ADAMTS13: variants seen among roughly 807,000 people sequenced by gnomAD.
ADAMTS13 encodes ADAM metallopeptidase with thrombospondin type 1 motif 13.
Under a neutral mutation model 155.1 loss-of-function variants are expected in ADAMTS13, and 110 were observed. The observed-to-expected ratio is 0.71, with a 90% confidence interval of 0.61 to 0.83. ADAMTS13 has a LOEUF of 0.83. ADAMTS13 is among the 40% of genes least tolerant of loss of function. The pLI, the probability that ADAMTS13 is intolerant of heterozygous loss-of-function variation, is 0.00. For missense variants in ADAMTS13, 1,707 were observed against 1,891.7 expected (o/e 0.90, Z 1.81); for synonymous variants, 758 against 756.4 (o/e 1.00, Z -0.03).
intron 28 of ADAMTS13, among the ~76,000 whole-genome samples, chr9:133,458,743 C>T (rs1554796946): frequency 6.6e-6 from 1 of 152,110 alleles, no homozygotes; most frequent in Non-Finnish European, 1.5e-5. Context: ...GTATCAGCTT[C>T]CCCAGAGGAG....
intron 9 of ADAMTS13, among the ~76,000 whole-genome samples, 179 bp from the exon 10 acceptor site, chr9:133,433,199 C>A (rs1554787985): frequency 6.9e-6 from 1 of 144,832 alleles, no homozygotes; most frequent in African/African-American, 2.6e-5. Flanking sequence ...TGTTGGAGAT[C>A]CCTGTGTGTT....
At position 133,424,385 on chromosome 9, in the gene ADAMTS13, C is replaced by G. The variant is rs281875297; in HGVS notation, c.237C>G (p.Ile79Met). Residue 79 changes from isoleucine to methionine, a missense_variant, in exon 3 of 29, where the codon ATC becomes ATG. Ile to Met is a conservative substitution (Grantham distance 10). Coordinates refer to ENST00000355699, the MANE Select transcript of ADAMTS13 (RefSeq NM_139027.6). The surrounding 1 kb of genome is among the most constrained non-coding windows in gnomAD (Gnocchi z 4.3). Reference sequence around the variant, plus strand: ...GGCAGAGGCGGGCTGCAGGCGGCATCCTACACCTGGAGCTGCTGGTGGCCG... The same window carrying G: ...GGCAGAGGCGGGCTGCAGGCGGCATGCTACACCTGGAGCTGCTGGTGGCCG... ...RQRQRRAAGGILHLELLVAVG... is the reference protein window; with the variant it reads ...RQRQRRAAGGMLHLELLVAVG... 6.2e-7 allele frequency: 1 copy of G among 1,613,634 alleles called. No homozygotes were observed. Among genetic ancestry groups the G allele is most frequent in the Non-Finnish European group, 8.5e-7 (1 of 1,179,992 alleles).
In ADAMTS13 at chr9:133,429,973, CG is replaced by C; in HGVS notation, c.861del (p.Pro288LeufsTer90). On this transcript the variant is annotated frameshift_variant, in exon 8 of 29. Coordinates refer to ENST00000355699, the MANE Select transcript of ADAMTS13 (RefSeq NM_139027.6). LOFTEE classifies it high-confidence loss of function. ...GRARCVWDPP[R>X]PQPGSAGHPP... ...GGCGCGCTGCGTGTGGGACCCGCCG[CG>C]GCCTCAACCCGGGTCCGCGGGGCAC... is the stretch of plus-strand genomic sequence containing the variant. The C allele has an allele frequency of 6.5e-7, 1 of 1,544,686 alleles. No individual in the cohort carries two copies. The highest frequency in any genetic ancestry group is 8.7e-7 in the Non-Finnish European group (1 of 1,149,734).
At chr9:133,415,401 A>G (rs1482258079) in intron 1 of ADAMTS13, among the ~76,000 whole-genome samples, 1 of 149,570 alleles carries the variant, frequency 6.7e-6, no homozygotes, top group African/African-American at 2.4e-5. Context: ...ATCCTGCTAC[A>G]CAGAAATCGC....
At chr9:133,417,788 C>G, upstream of ADAMTS13, 1 of 1,609,982 alleles carries the variant, frequency 6.2e-7, no homozygotes, top group South Asian at 1.1e-5. Flanking sequence ...CAGGACCCGG[C>G]TTAGCCACGG....
At position 133,436,956 on chromosome 9, in the gene ADAMTS13, G is replaced by A; in HGVS notation, c.1435+1G>A. 1 of 1,597,492 alleles carries A rather than the reference G, an allele frequency of 6.3e-7. No homozygotes were observed. Among genetic ancestry groups the A allele is most frequent in the Non-Finnish European group, 8.5e-7 (1 of 1,173,708 alleles). Reference sequence around the variant, plus strand: ...GGTGCTGCTGTACCACACAGCCAAGGTGGGGCCTGCGGAGTGTGGGGTTGG... The same window carrying A: ...GGTGCTGCTGTACCACACAGCCAAGATGGGGCCTGCGGAGTGTGGGGTTGG... On this transcript the variant is annotated splice_donor_variant, in intron 12 of 28. Coordinates refer to ENST00000355699, the MANE Select transcript of ADAMTS13 (RefSeq NM_139027.6). LOFTEE classifies it high-confidence loss of function.
In ADAMTS13 at chr9:133,456,348, G is replaced by A; in HGVS notation, c.3547+133G>A. ...GTAGTTTGCATCCCATCTCATGACT[G>A]GGGAGTGATGATCTGCATTTTACAG... On this transcript the variant is annotated intron_variant, in intron 26 of 28. Transcript: ENST00000355699. The surrounding 1 kb of genome is among the most constrained non-coding windows in gnomAD (Gnocchi z 4.4). 1.4e-6 allele frequency: 2 copies of A among 1,459,278 alleles called. No individual in the cohort carries two copies. The highest frequency in any genetic ancestry group is 1.2e-5 in the South Asian group (1 of 83,558). 90.4% of individuals were successfully genotyped at this position (1,459,278 alleles called of 1,614,324 possible). A position where few individuals can be genotyped will look rare whatever the true frequency, so the allele number is the denominator to read the frequency against.
In ADAMTS13 at chr9:133,439,462, G is replaced by A. The variant is rs36220948; in HGVS notation, c.1786+16G>A. The A allele has an allele frequency of 6.3e-4, 1,016 of 1,605,334 alleles. 5 individuals carry two copies. The African/African-American group carries it at 0.012, about 19-fold the overall frequency. ...ACACACTTGGGTGAGTTGACTGGAG[G>A]ACTCCCACCCAGTTAGCTAGACTGC... On this transcript the variant is annotated intron_variant, in intron 15 of 28. Coordinates refer to ENST00000355699, the MANE Select transcript of ADAMTS13 (RefSeq NM_139027.6).
At chr9:133,415,039 C>A (rs186132720) in intron 1 of ADAMTS13, 1 of 1,549,850 alleles carries the variant, frequency 6.5e-7, no homozygotes, top group African/African-American at 1.4e-5. Context: ...ATACATGCTG[C>A]ATTTGAATTT....
chr9:133,439,012 A>T (rs1841466086), intron 14 of ADAMTS13, among the ~76,000 whole-genome samples: 1 of 151,832 alleles, frequency 6.6e-6, no homozygotes, highest in African/African-American at 2.4e-5. Context: ...AGTGAATGAG[A>T]GGGTTGGTAG....
rs1056791726 is a variant in ADAMTS13, at chr9:133,425,387, C to A, written c.331-142C>A. On this transcript the variant is annotated intron_variant, in intron 3 of 28. Transcript: ENST00000355699. The surrounding 1 kb of genome is among the most constrained non-coding windows in gnomAD (Gnocchi z 4.6). ...GACTGTGCAGCACATTTTAGGAGCC[C>A]CCCGCCCCGCCCGGTTCCCACACAT... 1.6e-5 allele frequency: 11 copies of A among 679,784 alleles called. No homozygotes were observed. The highest frequency in any genetic ancestry group is 1.6e-4 in the African/African-American group (9 of 56,024). The allele number at this position is 679,784 out of a possible 1,614,324, so 42.1% of individuals were successfully genotyped here.
At chr9:133,432,051 G>A (rs1840810454) in intron 8 of ADAMTS13, among the ~76,000 whole-genome samples, 1 of 152,166 alleles carries the variant, frequency 6.6e-6, no homozygotes, top group African/African-American at 2.4e-5. Flanking sequence ...ATCACCTGAG[G>A]TCGGGAGTTT....
At chr9:133,435,074 G>C (rs1554788569) in intron 11 of ADAMTS13, among the ~76,000 whole-genome samples, 1 of 152,182 alleles carries the variant, frequency 6.6e-6, no homozygotes, top group East Asian at 1.9e-4. Flanking sequence ...CCTGTGAACA[G>C]AGCCGCTGCG....
intron 23 of ADAMTS13, among the ~76,000 whole-genome samples, chr9:133,451,638 C>T (rs1842439914): frequency 6.6e-6 from 1 of 152,152 alleles, no homozygotes; most frequent in Non-Finnish European, 1.5e-5. Flanking sequence ...CGCCTGTAAT[C>T]TCAGCACTTC....
intron 21 of ADAMTS13, among the ~76,000 whole-genome samples, chr9:133,447,223 A>G (rs975057202): frequency 5.9e-5 from 9 of 152,170 alleles, no homozygotes; most frequent in African/African-American, 1.7e-4. Context: ...TCTTAAACGA[A>G]AACCCTGACC....
upstream of ADAMTS13, among the ~76,000 whole-genome samples, chr9:133,419,384 C>T (rs587716602): frequency 6.6e-6 from 1 of 152,288 alleles, no homozygotes; most frequent in South Asian, 2.1e-4. Flanking sequence ...TATAAGATTC[C>T]TAAGCTTAGG....
Position 133,435,155 on chromosome 9 carries a change from G to A in ADAMTS13, c.1308+1451G>A, listed in dbSNP as rs143230264. 3.6e-4 allele frequency among the ~76,000 whole-genome samples: 54 copies of A among 152,022 alleles called. No individual in the cohort carries two copies. In the East Asian group the frequency reaches 8.3e-3, roughly 23 times the overall value. On this transcript the variant is annotated intron_variant, in intron 11 of 28. Coordinates refer to ENST00000355699, the MANE Select transcript of ADAMTS13 (RefSeq NM_139027.6). Reference sequence around the variant, plus strand: ...AGTATGCTGAAGAGCGGAGTTACTGGATCGTATGGGAATTGTATGTTTGAC... The same window carrying A: ...AGTATGCTGAAGAGCGGAGTTACTGAATCGTATGGGAATTGTATGTTTGAC...
chr9:133,442,592 A>C (rs1554791188), intron 17 of ADAMTS13, 22 bp from the exon 18 acceptor site: 1 of 1,613,302 alleles, frequency 6.2e-7, no homozygotes, highest in South Asian at 1.1e-5. Flanking sequence ...GAGGCGGCCT[A>C]GCCCTCCCTC....
rs1307367716 is a variant in ADAMTS13 at position 133,440,113 on chromosome 9, G to T, written c.1787-231G>T. 6.6e-6 allele frequency among the ~76,000 whole-genome samples: 1 copy of T among 152,250 alleles called. No individual in the cohort carries two copies. The highest frequency in any genetic ancestry group is 2.4e-5 in the African/African-American group (1 of 41,474). On this transcript the variant is annotated intron_variant, in intron 15 of 28. Coordinates refer to ENST00000355699, the MANE Select transcript of ADAMTS13 (RefSeq NM_139027.6). This position sits in a 1 kb window ranked among gnomAD's most constrained non-coding sequence, Gnocchi z 4.3. Reference sequence around the variant, plus strand: ...CTTGGTTGCCGGCACTTGCCATGGGGTCCCTGAGCCCTGAGCCTGTTGAGT... The same window carrying T: ...CTTGGTTGCCGGCACTTGCCATGGGTTCCCTGAGCCCTGAGCCTGTTGAGT...
Sources: allele counts gnomAD v4.1 joint callset (sites outside exome capture counted in the v4.1 genomes callset), GRCh38; gene constraint gnomAD v4.1.1; non-coding constraint Gnocchi (gnomAD v3.1); transcripts MANE v1.5; gene names NCBI Gene and HGNC (gene_info 2026-07-23, HGNC 2026-07-21).